The following PLXDC2 variants were observed in gnomAD, a reference collection of about 807,000 sequenced individuals.
PLXDC2 encodes plexin domain containing 2.
PLXDC2 carries 40 observed loss-of-function variants against 68.9 expected under a neutral mutation model. The ratio of observed to expected loss-of-function variants is 0.58; its 90% CI spans 0.45 to 0.76. The LOEUF is 0.76. Among genes scored for constraint, PLXDC2 ranks in the 30% least tolerant of loss-of-function variants. PLXDC2 has a pLI of 0.00. For missense variants in PLXDC2, 644 were observed against 661.9 expected, an observed-to-expected ratio of 0.97 and a Z score of 0.30; for synonymous variants, 243 against 234.2, an observed-to-expected ratio of 1.04 and a Z score of -0.34.
In PLXDC2 at chr10:20,289,064, G is replaced by A. The variant is rs538558103; in HGVS notation, c.*9245G>A. On this transcript the variant is annotated 3_prime_UTR_variant, in exon 14 of 14. Coordinates refer to ENST00000377252, the MANE Select transcript of PLXDC2 (RefSeq NM_032812.9). ...TTTGTTTTAATTTCTTAAATACCTT[G>A]TCTTTCAACATACGTTTTGTTTCCT... is the stretch of plus-strand genomic sequence containing the variant. 4.4e-4 allele frequency: 67 copies of A among 152,226 alleles called. 1 individual carries two copies. Among genetic ancestry groups the A allele is most frequent in the African/African-American group, 1.4e-3 (58 of 41,556 alleles). 9.4% of individuals were successfully genotyped at this position (152,226 alleles called of 1,614,324 possible).
At chr10:19,933,371 C>T (rs768058124) in intron 1 of PLXDC2, among the ~76,000 whole-genome samples, 1 of 152,158 alleles carries the variant, frequency 6.6e-6, no homozygotes, top group Non-Finnish European at 1.5e-5. Flanking sequence ...CATGGTGGCT[C>T]ATGCCTGTAA....
intron 2 of PLXDC2, among the ~76,000 whole-genome samples, chr10:20,031,494 T>C (rs1213903817): frequency 6.6e-6 from 1 of 152,206 alleles, no homozygotes; most frequent in Non-Finnish European, 1.5e-5. Context: ...GAAATATCCA[T>C]TCTCTATTAC....
chr10:19,920,409 A>G (rs1249867369), intron 1 of PLXDC2, among the ~76,000 whole-genome samples: 1 of 152,240 alleles, frequency 6.6e-6, no homozygotes, highest in African/African-American at 2.4e-5. Context: ...GCAGGCAGAC[A>G]CAAAGATGGC....
intron 4 of PLXDC2, among the ~76,000 whole-genome samples, chr10:20,118,418 A>G (rs936488099): frequency 3.9e-5 from 6 of 152,110 alleles, no homozygotes; most frequent in Admixed American, 2.0e-4. Context: ...GCAATCGGGG[A>G]CAGATTATGA....
chr10:19,962,150 T>C lies in PLXDC2; in HGVS notation c.113-39625T>C, dbSNP rs186378165. Among the ~76,000 whole-genome samples the C allele has an allele frequency of 1.1e-3, 168 of 152,198 alleles. 1 individual carries two copies. Among genetic ancestry groups the C allele is most frequent in the African/African-American group, 3.7e-3 (152 of 41,542 alleles). Reference sequence around the variant, plus strand: ...AAAAGTCTTATATATGAGATACTTGTTTCAGGAAATAAAGGGATGAATGTT... The same window carrying C: ...AAAAGTCTTATATATGAGATACTTGCTTCAGGAAATAAAGGGATGAATGTT... On this transcript the variant is annotated intron_variant, in intron 1 of 13. Transcript: ENST00000377252.
At chr10:20,131,589 A>C (rs1833868856) in intron 4 of PLXDC2, among the ~76,000 whole-genome samples, 1 of 152,040 alleles carries the variant, frequency 6.6e-6, no homozygotes, top group Admixed American at 6.6e-5. Context: ...TAATAGAGAC[A>C]GGGTTTCATC....
In PLXDC2 at chr10:19,860,417, G is replaced by T. The variant is rs915703551; in HGVS notation, c.112+43226G>T. Among the ~76,000 whole-genome samples the T allele has an allele frequency of 2.0e-5, 3 of 152,262 alleles. No homozygotes were observed. In the South Asian group the frequency reaches 6.2e-4, roughly 32 times the overall value. Reference sequence around the variant, plus strand: ...TGCCTAGTGCACTTCATAAATACCTGTTGATGAATGAGCGAAAGAAATCAA... The same window carrying T: ...TGCCTAGTGCACTTCATAAATACCTTTTGATGAATGAGCGAAAGAAATCAA... On this transcript the variant is annotated intron_variant, in intron 1 of 13. Transcript: ENST00000377252.
intron 1 of PLXDC2, among the ~76,000 whole-genome samples, chr10:19,937,948 A>G (rs117128273): frequency 0.041 from 6,263 of 152,152 alleles, 252 homozygotes; most frequent in East Asian, 0.18. Context: ...AGTGGTAATC[A>G]TGGCTTTAGG....
chr10:19,897,411 G>T (rs1043573011), intron 1 of PLXDC2, among the ~76,000 whole-genome samples: 1 of 151,692 alleles, frequency 6.6e-6, no homozygotes, highest in Non-Finnish European at 1.5e-5. Flanking sequence ...GGCTAGTTTT[G>T]TATTGTTTTT....
chr10:20,011,361 C>T (rs945878272), intron 2 of PLXDC2, among the ~76,000 whole-genome samples: 2 of 152,098 alleles, frequency 1.3e-5, no homozygotes, highest in Non-Finnish European at 2.9e-5. Context: ...TCTTTGCTCT[C>T]CCAAGCATGG....
At chr10:20,100,500 C>T (rs1034888349) in intron 4 of PLXDC2, among the ~76,000 whole-genome samples, 2 of 152,060 alleles carry the variant, frequency 1.3e-5, no homozygotes, top group Non-Finnish European at 2.9e-5. Flanking sequence ...TTGTCATCAG[C>T]CAAGTGCAAG....
At chr10:19,900,983 G>A (rs915494369) in intron 1 of PLXDC2, among the ~76,000 whole-genome samples, 550 of 40,434 alleles carry the variant, frequency 0.014, 3 homozygotes, top group African/African-American at 0.09. Flanking sequence ...TATGTGTGAT[G>A]TGTGTGTGTG....
chr10:19,824,241 A>G (rs749047180), intron 1 of PLXDC2, among the ~76,000 whole-genome samples: 9 of 152,168 alleles, frequency 5.9e-5, no homozygotes, highest in Admixed American at 1.3e-4. Context: ...GAGTTTTACC[A>G]TTTAACTTTT....
At chr10:20,246,250 C>A (rs77900715) in intron 13 of PLXDC2, among the ~76,000 whole-genome samples, 15,564 of 152,298 alleles carry the variant, frequency 0.1, 902 homozygotes, top group African/African-American at 0.14. Context: ...CTGAAACCAG[C>A]AAGCCTGGAG....
intron 4 of PLXDC2, among the ~76,000 whole-genome samples, chr10:20,133,671 G>T (rs1488223915): frequency 6.6e-6 from 1 of 152,078 alleles, no homozygotes; most frequent in Non-Finnish European, 1.5e-5. Flanking sequence ...TTAATAACAT[G>T]TTTTTGTGAT....
At chr10:19,914,904 G>A (rs965183151) in intron 1 of PLXDC2, among the ~76,000 whole-genome samples, 2 of 152,098 alleles carry the variant, frequency 1.3e-5, no homozygotes, top group Admixed American at 6.5e-5. Context: ...TCTACTTTAT[G>A]TGGTATTAAT....
intron 4 of PLXDC2, among the ~76,000 whole-genome samples, chr10:20,068,677 A>C (rs1836261277): frequency 6.7e-6 from 1 of 149,906 alleles, no homozygotes; most frequent in Admixed American, 6.7e-5. Flanking sequence ...ATACACAAAA[A>C]CACACAACCA....
intron 2 of PLXDC2, among the ~76,000 whole-genome samples, chr10:20,035,523 C>T (rs1835562373): frequency 6.6e-6 from 1 of 151,772 alleles, no homozygotes. Context: ...ATGGTAAAAC[C>T]CCGTCTCTAC....
intron 1 of PLXDC2, among the ~76,000 whole-genome samples, chr10:19,872,878 G>C (rs1157250316): frequency 6.6e-6 from 1 of 152,216 alleles, no homozygotes; most frequent in South Asian, 2.1e-4. Flanking sequence ...AATTTTCTCT[G>C]GGTCTCCTTG....
Sources: gnomAD v4.1 joint callset for allele counts (sites outside exome capture counted in the v4.1 genomes callset) on GRCh38, gnomAD v4.1.1 for gene constraint, MANE v1.5 for transcripts, NCBI Gene and HGNC (gene_info 2026-07-23, HGNC 2026-07-21) for gene names.